Variants in TRDN observed in about 807,000 individuals in gnomAD.
TRDN encodes triadin in skeletal muscle.
Under a neutral mutation model 149.7 loss-of-function variants are expected in TRDN, and 161 were observed. The observed-to-expected ratio is 1.08, with a 90% CI of 0.95 to 1.23. The LOEUF (loss-of-function observed/expected upper bound fraction) is 1.23, where lower values mean the gene tolerates loss of function less well. TRDN is among the 50% of genes most tolerant of loss of function. TRDN has a pLI of 0.00. For missense variants in TRDN, 896 were observed against 823.5 expected, an observed-to-expected ratio of 1.09 and a Z score of -1.08; for synonymous variants, 294 against 250.5, an observed-to-expected ratio of 1.17 and a Z score of -1.64.
intron 38 of TRDN, among the ~76,000 whole-genome samples, chr6:123,244,032 G>C (rs930171503): frequency 6.6e-6 from 1 of 152,084 alleles, no homozygotes; most frequent in Admixed American, 6.6e-5. Context: ...AAAACTAACA[G>C]AAAGCAATAA....
intron 12 of TRDN, among the ~76,000 whole-genome samples, chr6:123,399,974 T>G (rs1772890509): frequency 6.6e-6 from 1 of 151,962 alleles, no homozygotes; most frequent in African/African-American, 2.4e-5. Context: ...TACTTAGAAT[T>G]TCAAGTAGAA....
chr6:123,236,379 C>T (rs1775787868), intron 38 of TRDN, among the ~76,000 whole-genome samples: 1 of 152,050 alleles, frequency 6.6e-6, no homozygotes, highest in Admixed American at 6.6e-5. Flanking sequence ...TTTTATTTCA[C>T]CCAATTTGTA....
intron 5 of TRDN, among the ~76,000 whole-genome samples, chr6:123,522,540 G>A (rs12193176): frequency 0.79 from 89,604 of 113,058 alleles, 34,249 homozygotes; most frequent in Admixed American, 0.85. Context: ...TTTTTTTTTT[G>A]CATTTTCCAA....
chr6:123,233,192 C>A (rs932718434), intron 38 of TRDN, among the ~76,000 whole-genome samples: 1 of 152,014 alleles, frequency 6.6e-6, no homozygotes, highest in Non-Finnish European at 1.5e-5. Context: ...TTCACATTTT[C>A]CTAAGAAATC....
At chr6:123,373,218 G>A (rs35899685) in intron 19 of TRDN, among the ~76,000 whole-genome samples, 1 of 152,022 alleles carries the variant, frequency 6.6e-6, no homozygotes, top group Non-Finnish European at 1.5e-5. Context: ...ATGGGGGCAA[G>A]TCTTCCCTAT....
At chr6:123,518,328 T>C (rs1779510846) in intron 5 of TRDN, among the ~76,000 whole-genome samples, 1 of 152,198 alleles carries the variant, frequency 6.6e-6, no homozygotes, top group Non-Finnish European at 1.5e-5. Flanking sequence ...AAATGGTTTA[T>C]TTTGGTTCCT....
intron 9 of TRDN, among the ~76,000 whole-genome samples, chr6:123,494,222 T>C (rs965166962): frequency 6.6e-6 from 1 of 152,222 alleles, no homozygotes; most frequent in African/African-American, 2.4e-5. Context: ...GTTGTAGGTC[T>C]GAACTTAGGA....
intron 24 of TRDN, among the ~76,000 whole-genome samples, chr6:123,304,718 T>C (rs1236220967): frequency 1.3e-5 from 2 of 152,122 alleles, no homozygotes; most frequent in East Asian, 3.8e-4. Context: ...TTCTGATAAT[T>C]TTAAATCAAT....
At chr6:123,633,014 C>T (rs1786089324) in intron 1 of TRDN, among the ~76,000 whole-genome samples, 1 of 151,964 alleles carries the variant, frequency 6.6e-6, no homozygotes, top group Non-Finnish European at 1.5e-5. Context: ...AAACGTGATT[C>T]GGCTAATGGT....
At chr6:123,297,488 C>G (rs927469259) in intron 24 of TRDN, among the ~76,000 whole-genome samples, 14 of 151,914 alleles carry the variant, frequency 9.2e-5, no homozygotes, top group African/African-American at 3.4e-4. Context: ...TTATGTGGAT[C>G]TTTGTATAAT....
At chr6:123,311,813 A>G (rs563314117) in intron 24 of TRDN, among the ~76,000 whole-genome samples, 39 of 152,098 alleles carry the variant, frequency 2.6e-4, no homozygotes, top group African/African-American at 8.9e-4. Context: ...TGTTGGAGGA[A>G]ACTGTATTTA....
At chr6:123,613,291 T>C (rs1784906437) in intron 1 of TRDN, among the ~76,000 whole-genome samples, 1 of 152,196 alleles carries the variant, frequency 6.6e-6, no homozygotes, top group East Asian at 1.9e-4. Flanking sequence ...ACATTTCCAA[T>C]TTCAATTAAA....
At chr6:123,601,761 A>C (rs943048077) in intron 1 of TRDN, among the ~76,000 whole-genome samples, 3 of 152,162 alleles carry the variant, frequency 2.0e-5, no homozygotes, top group Non-Finnish European at 2.9e-5. Flanking sequence ...AGACCACTTC[A>C]AAAGTTTTTA....
chr6:123,346,036 T>C (rs1039680332), intron 21 of TRDN, among the ~76,000 whole-genome samples: 3 of 152,096 alleles, frequency 2.0e-5, no homozygotes, highest in Admixed American at 6.6e-5. Flanking sequence ...CTTATATTGT[T>C]GCATTCGCTA....
At chr6:123,493,481 C>G (rs1007863526) in intron 9 of TRDN, among the ~76,000 whole-genome samples, 2 of 152,046 alleles carry the variant, frequency 1.3e-5, no homozygotes, top group African/African-American at 4.8e-5. Flanking sequence ...AAAGGCAAAA[C>G]TTGGGACTTA....
Position 123,237,258 on chromosome 6 carries a change from G to GT in TRDN, c.1976-13128dup, listed in dbSNP as rs199820474. Reference sequence around the variant, plus strand: ...TATTAACTTTATACCCTACTACTTTGTTTTTTTTTGAGATGGAGTCTCGCT... The same window carrying GT: ...TATTAACTTTATACCCTACTACTTTGTTTTTTTTTTGAGATGGAGTCTCGCT... On this transcript the variant is annotated intron_variant, in intron 38 of 40. Transcript: ENST00000334268. Among the ~76,000 whole-genome samples the GT allele has an allele frequency of 4.0e-3, 600 of 150,440 alleles. 3 individuals are homozygous for GT. Among genetic ancestry groups the GT allele is most frequent in the Middle Eastern group, 0.014 (4 of 288 alleles).
In TRDN at chr6:123,302,669, A is replaced by G. The variant is rs577744728; in HGVS notation, c.1510+13788T>C. Among the ~76,000 whole-genome samples, 6 of 152,314 alleles carry G rather than the reference A, an allele frequency of 3.9e-5. No individual in the cohort carries two copies. The South Asian group carries it at 1.2e-3, about 32-fold the overall frequency. ...GGACCAAACACATCCATTTTGAATTAGCCAAGTTTGTGGCAAGAGAGAAGC... is the reference window on the plus strand; with the variant it reads ...GGACCAAACACATCCATTTTGAATTGGCCAAGTTTGTGGCAAGAGAGAAGC... On this transcript the variant is annotated intron_variant, in intron 24 of 40. Transcript: ENST00000334268.
At chr6:123,593,244 A>C (rs1228444606) in intron 1 of TRDN, among the ~76,000 whole-genome samples, 1 of 152,210 alleles carries the variant, frequency 6.6e-6, no homozygotes, top group Non-Finnish European at 1.5e-5. Context: ...ATCATCACAC[A>C]AGCCAGATTT....
At chr6:123,230,812 G>T (rs920151796) in intron 38 of TRDN, among the ~76,000 whole-genome samples, 2 of 151,896 alleles carry the variant, frequency 1.3e-5, no homozygotes, top group Non-Finnish European at 2.9e-5. Context: ...TACAGTCAAA[G>T]TGAATATTAC....
Sources: gnomAD v4.1 joint callset for allele counts (sites outside exome capture counted in the v4.1 genomes callset) on GRCh38, gnomAD v4.1.1 for gene constraint, MANE v1.5 for transcripts, NCBI Gene and HGNC (gene_info 2026-07-23, HGNC 2026-07-21) for gene names.